LAMB1: variants seen among roughly 807,000 people sequenced by gnomAD.
The protein encoded by LAMB1 is laminin subunit beta-1.
In LAMB1, 121 loss-of-function variants were observed where a neutral mutation model predicts 222.3. That is an observed-to-expected ratio of 0.54 (90% CI 0.47 to 0.63). The LOEUF is 0.63. Among genes scored for constraint, LAMB1 ranks in the 30% least tolerant of loss-of-function variants. The pLI, the probability that LAMB1 is intolerant of heterozygous loss-of-function variation, is 0.00. For synonymous variants in LAMB1, 794 were observed against 807.2 expected, an observed-to-expected ratio of 0.98 and a Z score of 0.28; for missense variants, 2,172 against 2,240.8, an observed-to-expected ratio of 0.97 and a Z score of 0.62.
intron 3 of LAMB1, among the ~76,000 whole-genome samples, chr7:107,999,415 CAT>C (rs2034340754): frequency 6.6e-6 from 1 of 152,202 alleles, no homozygotes; most frequent in South Asian, 2.1e-4. Context: ...GACTGAAATA[CAT>C]AGAGACCCAC....
At chr7:107,950,439 A>T (rs2033217591) in intron 24 of LAMB1, among the ~76,000 whole-genome samples, 1 of 152,246 alleles carries the variant, frequency 6.6e-6, no homozygotes, top group South Asian at 2.1e-4. Context: ...TTAAGATCTG[A>T]AAAATAATTT....
chr7:107,995,635 T>C (rs2034267676), intron 4 of LAMB1, among the ~76,000 whole-genome samples: 1 of 152,168 alleles, frequency 6.6e-6, no homozygotes, highest in Admixed American at 6.5e-5. Flanking sequence ...AAATGAGCCT[T>C]TGCACCCTTG....
intron 17 of LAMB1, 33 bp from the exon 18 acceptor site, chr7:107,960,682 A>C (rs1447264837): frequency 1.3e-6 from 2 of 1,582,662 alleles, no homozygotes; most frequent in Non-Finnish European, 1.7e-6. Context: ...AAACATCCTT[A>C]CAGTGGTGCC....
intron 13 of LAMB1, among the ~76,000 whole-genome samples, chr7:107,965,272 T>G (rs2033608771): frequency 6.6e-6 from 1 of 152,228 alleles, no homozygotes; most frequent in Admixed American, 6.5e-5. Flanking sequence ...TTCCATTGGC[T>G]ATGCTATGCT....
chr7:107,960,415 C>A, intron 18 of LAMB1, 30 bp downstream of exon 18: 10 of 1,560,676 alleles, frequency 6.4e-6, no homozygotes, highest in Non-Finnish European at 8.8e-6. Flanking sequence ...CCAGAAACAG[C>A]AGCTGCTGCA....
rs759160246 is a variant in LAMB1, at chr7:107,935,495, T to G, written c.4108A>C (p.Lys1370Gln). Residue 1370 changes from lysine to glutamine, a missense_variant, in exon 27 of 34, where the codon AAA (lysine) becomes CAA (glutamine). By Grantham distance (53) the Lys-to-Gln change is moderately conservative. Transcript: ENST00000222399. ...MMERESQFKE[K>Q]QEEQARLLDE... ...AGGAGGCGAGCCTGCTCCTCTTGTTTTTCCTTGAACTGGGATTCTCGCTCC... is the reference window on the plus strand; with the variant it reads ...AGGAGGCGAGCCTGCTCCTCTTGTTGTTCCTTGAACTGGGATTCTCGCTCC... 6.8e-6 allele frequency: 11 copies of G among 1,613,834 alleles called. No individual in the cohort carries two copies. The highest frequency in any genetic ancestry group is 8.5e-6 in the Non-Finnish European group (10 of 1,179,990).
intron 4 of LAMB1, among the ~76,000 whole-genome samples, chr7:107,997,566 C>A (rs1211308748): frequency 6.6e-6 from 1 of 152,178 alleles, no homozygotes; most frequent in Non-Finnish European, 1.5e-5. Context: ...TAGTAGTCTC[C>A]AGGCTTTTTA....
chr7:107,961,060 G>C, intron 17 of LAMB1, 146 bp downstream of exon 17: 1 of 848,624 alleles, frequency 1.2e-6, no homozygotes, highest in South Asian at 1.8e-5. Context: ...ATGGGGTGGA[G>C]TATAAGCAAA....
At chr7:107,961,491 G>C in intron 16 of LAMB1, 58 bp downstream of exon 16, 1 of 1,590,390 alleles carries the variant, frequency 6.3e-7, no homozygotes, top group Non-Finnish European at 8.6e-7. Flanking sequence ...CAAAATATTA[G>C]AAAAATACTA....
chr7:107,962,512 A>G (rs139070004), intron 15 of LAMB1, among the ~76,000 whole-genome samples: 6,332 of 152,198 alleles, frequency 0.042, 419 homozygotes, highest in African/African-American at 0.14. Context: ...TCAGGAGTTC[A>G]AGATCAGCCT....
chr7:107,946,614 A>G (rs907102400), intron 24 of LAMB1, among the ~76,000 whole-genome samples: 8 of 152,356 alleles, frequency 5.3e-5, no homozygotes, highest in Admixed American at 5.2e-4. Flanking sequence ...GCTCTGGTCT[A>G]GCCTACCTCT....
chr7:107,945,202 C>T (rs2033090403), intron 24 of LAMB1, among the ~76,000 whole-genome samples: 1 of 152,212 alleles, frequency 6.6e-6, no homozygotes, highest in African/African-American at 2.4e-5. Context: ...GTTTTCTTAT[C>T]ATTTCAAACA....
chr7:107,998,327 AC>A (rs1250811724), intron 4 of LAMB1, 29 bp downstream of exon 4: 1 of 1,611,670 alleles, frequency 6.2e-7, no homozygotes, highest in African/African-American at 1.3e-5. Context: ...ATCACACTCA[AC>A]GGAACTTGTC....
chr7:107,940,483 C>A, intron 24 of LAMB1, 125 bp from the exon 25 acceptor site: 1 of 1,015,656 alleles, frequency 9.8e-7, no homozygotes, highest in Non-Finnish European at 1.4e-6. Flanking sequence ...AACAATTGAC[C>A]AATGGCTCAG....
intron 27 of LAMB1, 182 bp downstream of exon 27, chr7:107,935,233 C>G (rs1584487031): frequency 1.2e-6 from 1 of 828,462 alleles, no homozygotes; most frequent in Non-Finnish European, 1.9e-6. Context: ...TTTAATCTGT[C>G]TTGGTTACAG....
Position 107,978,164 on chromosome 7 carries a change from G to C in LAMB1, c.883C>G (p.His295Asp). ...TTATGCCTGCACATGCAGTGTCCGT[G>C]AACCTTGAAAGTTATAAAAACAGGA... ...GFNEEVEGMVHGHCMCRHNTK... is the reference protein window; with the variant it reads ...GFNEEVEGMVDGHCMCRHNTK... Residue 295 changes from histidine (H) to aspartate (D), a missense_variant, in exon 9 of 34, where the codon CAC (histidine) becomes GAC (aspartate). Transcript: ENST00000222399. 6.2e-7 allele frequency: 1 copy of C among 1,613,862 alleles called. No individual in the cohort carries two copies. The highest frequency in any genetic ancestry group is 8.5e-7 in the Non-Finnish European group (1 of 1,179,838).
rs10630521 is a variant in LAMB1 at position 107,947,983 on chromosome 7, C to CTTTTT, written c.3391+3238_3391+3242dup. ...CCCCAACATTTTATATCTTCTTCTT[C>CTTTTT]TTTTTTTTTTTTTTTTTTTGAGACA... On this transcript the variant is annotated intron_variant, in intron 24 of 33. Transcript: ENST00000222399. Among the ~76,000 whole-genome samples the CTTTTT allele has an allele frequency of 9.6e-3, 1,127 of 117,166 alleles. 52 individuals are homozygous for CTTTTT. Among genetic ancestry groups the CTTTTT allele is most frequent in the African/African-American group, 0.031 (945 of 30,054 alleles). The allele number at this position is 117,166 out of a possible 152,430, so 76.9% of individuals were successfully genotyped here.
At chr7:107,954,059 G>A (rs1188315439) in intron 21 of LAMB1, among the ~76,000 whole-genome samples, 1 of 152,158 alleles carries the variant, frequency 6.6e-6, no homozygotes, top group African/African-American at 2.4e-5. Flanking sequence ...TTAGGTCCTA[G>A]CACATGAGAC....
chr7:107,955,751 G>A, intron 20 of LAMB1, 121 bp from the exon 21 acceptor site: 1 of 890,174 alleles, frequency 1.1e-6, no homozygotes, highest in South Asian at 2.2e-5. Context: ...TGTTTTCTTT[G>A]AGACAGAATC....
Sources: gnomAD v4.1 joint callset for allele counts (sites outside exome capture counted in the v4.1 genomes callset) on GRCh38, gnomAD v4.1.1 for gene constraint, MANE v1.5 for transcripts, NCBI Gene and HGNC (gene_info 2026-07-23, HGNC 2026-07-21) for gene names.